CPTP: variants seen among roughly 807,000 people sequenced by gnomAD.
The protein encoded by CPTP is GLTP domain-containing protein 1.
A neutral mutation model predicts 5.7 loss-of-function variants in CPTP; 5 were observed. The ratio of observed to expected loss-of-function variants is 0.88; its 90% CI spans 0.46 to 1.86. The LOEUF (loss-of-function observed/expected upper bound fraction) is 1.86, where lower values mean the gene tolerates loss of function less well. Ranked by LOEUF, CPTP falls within the 40% of genes most tolerant of loss-of-function variation. CPTP has a pLI of 0.01. For missense variants in CPTP, 335 were observed against 306.5 expected, an observed-to-expected ratio of 1.09 and a Z score of -0.69; for synonymous variants, 166 against 142.7, an observed-to-expected ratio of 1.16 and a Z score of -1.16.
chr1:1,327,653 C>A lies in CPTP; in HGVS notation c.535C>A (p.Pro179Thr), dbSNP rs570755151. 1.6e-5 allele frequency: 25 copies of A among 1,612,648 alleles called. No individual in the cohort carries two copies. In the African/African-American group the frequency reaches 2.3e-4, roughly 15 times the overall value. The change falls in exon 3 of 3, where the codon CCC becomes ACC. Residue 179 changes from proline to threonine, a missense_variant. Pro to Thr is a conservative substitution (Grantham distance 38). Transcript: ENST00000343938. ...CTTCCTGGAGGCCATGAACGTGGGG[C>A]CCCCGGAGCAGGCCGTGCAGATGCT... is the stretch of plus-strand genomic sequence containing the variant. ...EVFLEAMNVG[P>T]PEQAVQMLGE...
Position 1,327,544 on chromosome 1 carries a change from C to G in CPTP, c.426C>G (p.Tyr142Ter). 1.9e-6 allele frequency: 3 copies of G among 1,591,786 alleles called. No individual in the cohort carries two copies. Among genetic ancestry groups the G allele is most frequent in the Non-Finnish European group, 2.6e-6 (3 of 1,170,754 alleles). The change falls in exon 3 of 3, where the codon TAC becomes TAG. Residue 142 changes from tyrosine (Y) to a stop codon, truncating the protein, a stop_gained. Transcript: ENST00000343938. LOFTEE classifies it high-confidence loss of function. ...ARTSALCADS[Y>*]NASLAAYHPW... ...CCTCCGCGCTCTGCGCCGACTCCTA[C>G]AACGCCTCGCTGGCCGCCTACCACC...
At position 1,327,892 on chromosome 1, in the gene CPTP, C is replaced by G. The variant is rs544970534; in HGVS notation, c.*129C>G. 9.3e-7 allele frequency: 1 copy of G among 1,079,696 alleles called. No homozygotes were observed. Among genetic ancestry groups the G allele is most frequent in the African/African-American group, 1.6e-5 (1 of 63,540 alleles). The allele number at this position is 1,079,696 out of a possible 1,614,324, so 66.9% of individuals were successfully genotyped here. A position where few individuals can be genotyped will look rare whatever the true frequency, so the allele number is the denominator to read the frequency against. ...GGAGATCCTCTGTCGCCCCTGTGAG[C>G]TGAGCTGGTTAGGAACCACAGACTG... On this transcript the variant is annotated 3_prime_UTR_variant, in exon 3 of 3. Coordinates refer to ENST00000343938, the MANE Select transcript of CPTP (RefSeq NM_001029885.2).
chr1:1,326,567 C>T (rs1643313174), intron 1 of CPTP, among the ~76,000 whole-genome samples: 1 of 152,226 alleles, frequency 6.6e-6, no homozygotes, highest in Non-Finnish European at 1.5e-5. Flanking sequence ...CTGCAGACAG[C>T]GGGGCCTAGT....
chr1:1,325,958 G>T (rs1052926270), intron 1 of CPTP, among the ~76,000 whole-genome samples: 3 of 152,220 alleles, frequency 2.0e-5, no homozygotes, highest in African/African-American at 7.2e-5. Context: ...AGGTTCCCCA[G>T]AGCAGGTGCG....
At chr1:1,326,212 G>A (rs1200874097) in intron 1 of CPTP, among the ~76,000 whole-genome samples, 1 of 152,242 alleles carries the variant, frequency 6.6e-6, no homozygotes, top group Non-Finnish European at 1.5e-5. Context: ...GAAAACACGT[G>A]TCCATCCATC....
rs759718470 is a variant in CPTP, at chr1:1,327,305, A to G, written c.187A>G (p.Ile63Val). 7.5e-6 allele frequency: 12 copies of G among 1,598,102 alleles called. No individual in the cohort carries two copies. The highest frequency in any genetic ancestry group is 1.3e-5 in the African/African-American group (1 of 74,880). Reference protein sequence around the residue: ...ISKDVVSKLRIMERLRGGPQS... With the variant: ...ISKDVVSKLRVMERLRGGPQS... ...CAAGGACGTGGTCTCCAAGCTGCGG[A>G]TCATGGAGCGCCTCAGGGGCGGCCC... The change falls in exon 3 of 3, where the codon ATC becomes GTC. Residue 63 changes from isoleucine (I) to valine (V), a missense_variant. Transcript: ENST00000343938.
Position 1,327,330 on chromosome 1 carries a change from C to T in CPTP, c.212C>T (p.Pro71Leu), listed in dbSNP as rs748747267. Reference protein sequence around the residue: ...LRIMERLRGGPQSEHYRSLQA... With the variant: ...LRIMERLRGGLQSEHYRSLQA... Reference sequence around the variant, plus strand: ...ATCATGGAGCGCCTCAGGGGCGGCCCGCAGAGCGAGCACTACCGCAGCCTG... The same window carrying T: ...ATCATGGAGCGCCTCAGGGGCGGCCTGCAGAGCGAGCACTACCGCAGCCTG... Residue 71 changes from proline (P) to leucine (L), a missense_variant, in exon 3 of 3, where the codon CCG (proline) becomes CTG (leucine). By Grantham distance (98) the Pro-to-Leu change is moderately conservative. Transcript: ENST00000343938. 4 of 1,597,860 alleles carry T rather than the reference C, an allele frequency of 2.5e-6. No individual in the cohort carries two copies. The highest frequency in any genetic ancestry group is 1.7e-5 in the Admixed American group (1 of 59,468).
In CPTP at chr1:1,324,836, G is replaced by GCTCGGA; in HGVS notation, c.-336_-331dup. ...ACGGCGGCTACGGCCTAGGTGAGCG[G>GCTCGGA]CTCGGACTCGGCGGCCGCACCTGCC... On this transcript the variant is annotated 5_prime_UTR_variant, in exon 1 of 3. Coordinates refer to ENST00000343938, the MANE Select transcript of CPTP (RefSeq NM_001029885.2). 2.0e-6 allele frequency: 1 copy of GCTCGGA among 490,908 alleles called. No individual in the cohort carries two copies. The highest frequency in any genetic ancestry group is 3.6e-6 in the Non-Finnish European group (1 of 281,480). 30.4% of individuals were successfully genotyped at this position (490,908 alleles called of 1,614,324 possible).
At chr1:1,326,737 G>A in intron 1 of CPTP, 99 bp from the exon 2 acceptor site, 1 of 792,770 alleles carries the variant, frequency 1.3e-6, no homozygotes, top group Non-Finnish European at 2.0e-6. Context: ...TTGGCTGGGA[G>A]CAGAGCCAGG....
rs368856116 is a variant in CPTP, at chr1:1,326,867, G to A, written c.-44G>A. 1.0e-4 allele frequency: 162 copies of A among 1,612,086 alleles called. No individual in the cohort carries two copies. The highest frequency in any genetic ancestry group is 1.2e-4 in the Non-Finnish European group (147 of 1,179,140). Reference sequence around the variant, plus strand: ...AGCCACAGAGCAAGCTGACCCCAGCGACACAGCCCCCCAGCCCTACTGTAT... The same window carrying A: ...AGCCACAGAGCAAGCTGACCCCAGCAACACAGCCCCCCAGCCCTACTGTAT... On this transcript the variant is annotated 5_prime_UTR_variant, in exon 2 of 3. Coordinates refer to ENST00000343938, the MANE Select transcript of CPTP (RefSeq NM_001029885.2).
At position 1,327,542 on chromosome 1, in the gene CPTP, T is replaced by A. The variant is rs1202214320; in HGVS notation, c.424T>A (p.Tyr142Asn). 2.3e-5 allele frequency: 37 copies of A among 1,591,136 alleles called. No individual in the cohort carries two copies. The highest frequency in any genetic ancestry group is 3.2e-5 in the Non-Finnish European group (37 of 1,170,506). ...CACCTCCGCGCTCTGCGCCGACTCC[T>A]ACAACGCCTCGCTGGCCGCCTACCA... ...ARTSALCADSYNASLAAYHPW... is the reference protein window; with the variant it reads ...ARTSALCADSNNASLAAYHPW... The change falls in exon 3 of 3, where the codon TAC (tyrosine) becomes AAC (asparagine). Residue 142 changes from tyrosine (Y) to asparagine (N), a missense_variant. Tyr to Asn is a moderately radical substitution (Grantham distance 143, BLOSUM62 -2). Transcript: ENST00000343938.
In CPTP at chr1:1,327,367, G is replaced by A. The variant is rs1399730284; in HGVS notation, c.249G>A (p.Val83=). The change falls in exon 3 of 3, where the codon GTG becomes GTA. Residue 83 remains valine, a synonymous_variant. Coordinates refer to ENST00000343938, the MANE Select transcript of CPTP (RefSeq NM_001029885.2). The part of the protein sequence containing the change: ...SEHYRSLQAM[V]AHELSNRLVD... ...ACTACCGCAGCCTGCAGGCCATGGT[G>A]GCCCACGAGCTGAGCAACCGGCTGG... The A allele has an allele frequency of 5.0e-6, 8 of 1,598,234 alleles. No homozygotes were observed. Among genetic ancestry groups the A allele is most frequent in the Admixed American group, 3.3e-5 (2 of 59,808 alleles).
At chr1:1,327,162 A>G in intron 2 of CPTP, 79 bp from the exon 3 acceptor site, 2 of 1,584,014 alleles carry the variant, frequency 1.3e-6, no homozygotes, top group East Asian at 2.2e-5. Flanking sequence ...GAGCCCCCGC[A>G]GGCTGGGCAG....
Position 1,327,467 on chromosome 1 carries a change from T to C in CPTP, c.349T>C (p.Trp117Arg). The change falls in exon 3 of 3, where the codon TGG becomes CGG. Residue 117 changes from tryptophan to arginine, a missense_variant. Transcript: ENST00000343938. ...TVLRLHRALHWLQLFLEGLRT... is the reference protein window; with the variant it reads ...TVLRLHRALHRLQLFLEGLRT... Reference sequence around the variant, plus strand: ...GCTGCGCCTGCACCGCGCCCTGCACTGGCTGCAGCTGTTCCTGGAGGGCCT... The same window carrying C: ...GCTGCGCCTGCACCGCGCCCTGCACCGGCTGCAGCTGTTCCTGGAGGGCCT... The C allele has an allele frequency of 6.4e-7, 1 of 1,571,294 alleles. No individual in the cohort carries two copies. The highest frequency in any genetic ancestry group is 8.6e-7 in the Non-Finnish European group (1 of 1,163,946).
Position 1,327,343 on chromosome 1 carries a change from C to T in CPTP, c.225C>T (p.His75=). 6.3e-7 allele frequency: 1 copy of T among 1,598,534 alleles called. No individual in the cohort carries two copies. The highest frequency in any genetic ancestry group is 8.5e-7 in the Non-Finnish European group (1 of 1,179,334). ...ERLRGGPQSE[H]YRSLQAMVAH... Reference sequence around the variant, plus strand: ...TCAGGGGCGGCCCGCAGAGCGAGCACTACCGCAGCCTGCAGGCCATGGTGG... The same window carrying T: ...TCAGGGGCGGCCCGCAGAGCGAGCATTACCGCAGCCTGCAGGCCATGGTGG... Residue 75 remains histidine (H), a synonymous_variant, in exon 3 of 3, where the codon CAC becomes CAT. Coordinates refer to ENST00000343938, the MANE Select transcript of CPTP (RefSeq NM_001029885.2).
In CPTP at chr1:1,327,764, G is replaced by A. The variant is rs307350; in HGVS notation, c.*1G>A. 0.91 allele frequency: 1,471,560 copies of A among 1,611,052 alleles called. 673,584 individuals carry two copies. The highest frequency in any genetic ancestry group is 0.93 in the Non-Finnish European group (1,101,977 of 1,179,782). The stretch of plus-strand genomic sequence containing the variant: ...GCACTCCCTGCTGGACCTGCCCTAG[G>A]GGCGGGAAGCCAGGGCCGCACCGGC... On this transcript the variant is annotated 3_prime_UTR_variant, in exon 3 of 3. Coordinates refer to ENST00000343938, the MANE Select transcript of CPTP (RefSeq NM_001029885.2).
rs1344311199 is a variant in CPTP at position 1,328,523 on chromosome 1, GCA to G, written c.*763_*764del. The G allele has an allele frequency of 1.3e-5, 2 of 153,370 alleles. No homozygotes were observed. Among genetic ancestry groups the G allele is most frequent in the Non-Finnish European group, 2.9e-5 (2 of 68,834 alleles). The allele number at this position is 153,370 out of a possible 1,614,324, so 9.5% of individuals were successfully genotyped here. A position where few individuals can be genotyped will look rare whatever the true frequency, so the allele number is the denominator to read the frequency against. ...CGCCTCCCGCAGCGGCCGTGGGTCT[GCA>G]CAGCCCAGCCCAGCCCAAGGCCCCC... is the stretch of plus-strand genomic sequence containing the variant. On this transcript the variant is annotated 3_prime_UTR_variant, in exon 3 of 3. Coordinates refer to ENST00000343938, the MANE Select transcript of CPTP (RefSeq NM_001029885.2).
In CPTP at chr1:1,326,983, G is replaced by A. The variant is rs776211747; in HGVS notation, c.73G>A (p.Glu25Lys). The change falls in exon 2 of 3, where the codon GAA becomes AAA. Residue 25 changes from glutamate to lysine, a missense_variant. Physicochemically the swap from Glu to Lys is moderately conservative, Grantham distance 56. Transcript: ENST00000343938. ...TTTCAAGCAGTGTCTCGATGAGAAG[G>A]AAGAGGTCTTGCTGGACCCCTACAT... Reference protein sequence around the residue: ...VSFKQCLDEKEEVLLDPYIAS... With the variant: ...VSFKQCLDEKKEVLLDPYIAS... The A allele has an allele frequency of 9.3e-6, 15 of 1,613,712 alleles. No homozygotes were observed. The South Asian group carries it at 1.2e-4, about 13-fold the overall frequency.
chr1:1,326,304 TC>T (rs913937962), intron 1 of CPTP, among the ~76,000 whole-genome samples: 6 of 151,328 alleles, frequency 4.0e-5, no homozygotes, highest in Admixed American at 2.0e-4. Context: ...CCCGGCAGCA[TC>T]CCCCCACCCC....
Sources: gnomAD v4.1 joint callset for allele counts (sites outside exome capture counted in the v4.1 genomes callset) on GRCh38, gnomAD v4.1.1 for gene constraint, MANE v1.5 for transcripts, NCBI Gene and HGNC (gene_info 2026-07-23, HGNC 2026-07-21) for gene names.